Variants in MEGF10 observed in about 807,000 individuals in gnomAD.
MEGF10 encodes the protein multiple epidermal growth factor-like domains protein 10.
MEGF10 carries 86 observed loss-of-function variants against 147.5 expected under a neutral mutation model. The observed-to-expected ratio is 0.58, with a 90% CI of 0.49 to 0.70. The LOEUF (loss-of-function observed/expected upper bound fraction) is 0.70. Among genes scored for constraint, MEGF10 ranks in the 30% least tolerant of loss-of-function variants. The pLI is 0.00. For missense variants in MEGF10, 1,329 were observed against 1,487.3 expected (o/e 0.89, Z 1.75); for synonymous variants, 478 against 525.5 (o/e 0.91, Z 1.24).
At chr5:127,278,972 T>C in the MEGF10 span, among the ~76,000 whole-genome samples, 2 of 152,194 alleles carry the variant, frequency 1.3e-5, no homozygotes, top group East Asian at 3.9e-4. Flanking sequence ...TCATTAATGT[T>C]TGTATTTTTA....
intron 1 of MEGF10, among the ~76,000 whole-genome samples, chr5:127,328,839 A>T (rs1761144081): frequency 6.6e-6 from 1 of 152,218 alleles, no homozygotes; most frequent in Admixed American, 6.5e-5. Flanking sequence ...AATACTTCTC[A>T]CATAGATAAA....
the MEGF10 span, among the ~76,000 whole-genome samples, chr5:127,278,248 AG>A: frequency 2.0e-5 from 3 of 152,158 alleles, no homozygotes; most frequent in Non-Finnish European, 4.4e-5. Context: ...TATCAAGTCA[AG>A]GAAGATATTC....
intron 4 of MEGF10, among the ~76,000 whole-genome samples, chr5:127,353,085 A>G (rs1762144858): frequency 6.6e-6 from 1 of 152,144 alleles, no homozygotes; most frequent in African/African-American, 2.4e-5. Flanking sequence ...GTCTTCTCCT[A>G]CTACCTACCT....
intron 15 of MEGF10, 104 bp downstream of exon 15, chr5:127,434,925 G>C (rs1379783843): frequency 1.2e-5 from 13 of 1,056,504 alleles, no homozygotes; most frequent in East Asian, 3.0e-5. Context: ...GTTTTCAGCT[G>C]TCTGCTGGGA....
At chr5:127,380,605 CCTCCTGGGTTCAAACGATT>C (rs1763216848) in intron 5 of MEGF10, among the ~76,000 whole-genome samples, 1 of 151,908 alleles carries the variant, frequency 6.6e-6, no homozygotes, top group Non-Finnish European at 1.5e-5. Flanking sequence ...GCAACCCCCG[CCTCCTGGGTTCAAACGATT>C]CTCCTGCCTC....
the MEGF10 span, among the ~76,000 whole-genome samples, chr5:127,252,126 A>C: frequency 7.9e-5 from 12 of 151,974 alleles, no homozygotes; most frequent in African/African-American, 2.9e-4. Context: ...ACCCAGGGTT[A>C]GTAAGGATAT....
chr5:127,248,632 T>C, the MEGF10 span, among the ~76,000 whole-genome samples: 7 of 151,646 alleles, frequency 4.6e-5, no homozygotes, highest in East Asian at 1.9e-4. Flanking sequence ...GATCAGAGAA[T>C]TGAAAAACAC....
intron 2 of MEGF10, among the ~76,000 whole-genome samples, chr5:127,336,159 A>T (rs1454202733): frequency 6.6e-6 from 1 of 151,556 alleles, no homozygotes; most frequent in East Asian, 2.0e-4. Context: ...CTATAGTTTA[A>T]TATAGTTCAA....
intron 5 of MEGF10, among the ~76,000 whole-genome samples, chr5:127,382,590 T>C (rs544660703): frequency 2.6e-5 from 4 of 152,296 alleles, no homozygotes; most frequent in African/African-American, 9.6e-5. Flanking sequence ...AAATTAGCTT[T>C]TAGAATATTT....
At chr5:127,268,600 C>G in the MEGF10 span, among the ~76,000 whole-genome samples, 12 of 152,304 alleles carry the variant, frequency 7.9e-5, 1 homozygote, top group Admixed American at 5.2e-4. Context: ...GAAGCTTGAA[C>G]TGGGTGGAGC....
intron 5 of MEGF10, among the ~76,000 whole-genome samples, chr5:127,394,108 T>C (rs1448001950): frequency 6.6e-6 from 1 of 152,218 alleles, no homozygotes; most frequent in East Asian, 1.9e-4. Flanking sequence ...CTTGTTGTTT[T>C]TATCAAAGTA....
rs1356416055 is a variant in MEGF10, at chr5:127,340,546, G to A, written c.235G>A (p.Ala79Thr). 6.2e-7 allele frequency: 1 copy of A among 1,612,528 alleles called. No homozygotes were observed. Among genetic ancestry groups the A allele is most frequent in the Non-Finnish European group, 8.5e-7 (1 of 1,178,956 alleles). Residue 79 changes from alanine to threonine, a missense_variant, in exon 4 of 25, where the codon GCC (alanine) becomes ACC (threonine). Physicochemically the swap from Ala to Thr is moderately conservative, Grantham distance 58. Coordinates refer to ENST00000503335, the MANE Select transcript of MEGF10 (RefSeq NM_001256545.2). ...TCTCTATAGAGTCAGCTATCGGACA[G>A]CCTATCGACATGGGGAGAAGACTAT... is the stretch of plus-strand genomic sequence containing the variant. ...CTRHRVSYRT[A>T]YRHGEKTMYR...
At chr5:127,364,268 T>C (rs1214575764) in intron 4 of MEGF10, among the ~76,000 whole-genome samples, 2 of 152,212 alleles carry the variant, frequency 1.3e-5, no homozygotes, top group Non-Finnish European at 2.9e-5. Flanking sequence ...CTACTACCCA[T>C]CAATCCACGT....
chr5:127,411,478 A>T (rs1297677019), intron 9 of MEGF10, among the ~76,000 whole-genome samples: 1 of 152,250 alleles, frequency 6.6e-6, no homozygotes, highest in Non-Finnish European at 1.5e-5. Flanking sequence ...ATAGAATTTA[A>T]AAGTAAACAA....
Position 127,368,175 on chromosome 5 carries a change from A to C in MEGF10, c.320-1735A>C, listed in dbSNP as rs151161597. On this transcript the variant is annotated intron_variant, in intron 4 of 24. Coordinates refer to ENST00000503335, the MANE Select transcript of MEGF10 (RefSeq NM_001256545.2). Reference sequence around the variant, plus strand: ...TTAACTTGGCAGCAAAAATCAAAATAGTGCAGGGCCAGTGTGTTCATATGT... The same window carrying C: ...TTAACTTGGCAGCAAAAATCAAAATCGTGCAGGGCCAGTGTGTTCATATGT... Among the ~76,000 whole-genome samples the C allele has an allele frequency of 2.3e-3, 344 of 152,320 alleles. 1 individual carries two copies. The highest frequency in any genetic ancestry group is 7.8e-3 in the African/African-American group (325 of 41,578).
upstream of MEGF10, among the ~76,000 whole-genome samples, chr5:127,287,996 G>GA (rs1309436265): frequency 6.6e-6 from 1 of 151,946 alleles, no homozygotes; most frequent in Non-Finnish European, 1.5e-5. Flanking sequence ...TACTCAATGG[G>GA]AAAAAAGATA....
Position 127,391,102 on chromosome 5 carries a change from GCACACACA to G in MEGF10, c.413-5385_413-5378del, listed in dbSNP as rs70997334. ...CATACACACATGCGCGCGCGCGCGC[GCACACACA>G]CACACACACACACACACACACACAC... On this transcript the variant is annotated intron_variant, in intron 5 of 24. Transcript: ENST00000503335. Among the ~76,000 whole-genome samples, 299 of 53,918 alleles carry G rather than the reference GCACACACA, an allele frequency of 5.5e-3. 3 individuals carry two copies. Among genetic ancestry groups the G allele is most frequent in the East Asian group, 0.021 (57 of 2,704 alleles). 35.4% of individuals were successfully genotyped at this position (53,918 alleles called of 152,430 possible).
intron 5 of MEGF10, among the ~76,000 whole-genome samples, chr5:127,391,002 A>G (rs142250051): frequency 2.3e-4 from 35 of 151,954 alleles, no homozygotes; most frequent in African/African-American, 8.4e-4. Context: ...GTCTGTGGGC[A>G]TGCTAAGGTA....
intron 2 of MEGF10, among the ~76,000 whole-genome samples, chr5:127,332,530 T>C (rs1156233072): frequency 6.6e-6 from 1 of 152,114 alleles, no homozygotes; most frequent in Non-Finnish European, 1.5e-5. Context: ...TTATTTTTGG[T>C]AAGGGCTTAT....
Sources: allele counts gnomAD v4.1 joint callset (sites outside exome capture counted in the v4.1 genomes callset), GRCh38; gene constraint gnomAD v4.1.1; transcripts MANE v1.5; gene names NCBI Gene and HGNC (gene_info 2026-07-23, HGNC 2026-07-21).